The following CSMD1 variants were observed in gnomAD, a reference collection of about 807,000 sequenced individuals.
CSMD1 encodes the protein CUB and Sushi multiple domains 1.
CSMD1 carries 213 observed loss-of-function variants against 417.5 expected under a neutral mutation model. That is an observed-to-expected ratio of 0.51 (90% CI 0.46 to 0.57). CSMD1 has a LOEUF of 0.57. Ranked by LOEUF, CSMD1 falls within the 20% of genes least tolerant of loss-of-function variation. The probability of loss-of-function intolerance (pLI) is 0.00; values close to 1 mark genes in which losing one functional copy is unlikely to be tolerated. For synonymous variants in CSMD1, 2,862 were observed against 1,736.8 expected (o/e 1.65, Z -16.11); for missense variants, 6,923 against 4,529.7 (o/e 1.53, Z -15.17).
At chr8:4,524,798 C>A (rs367809835) in intron 2 of CSMD1, among the ~76,000 whole-genome samples, 2 of 152,080 alleles carry the variant, frequency 1.3e-5, no homozygotes, top group African/African-American at 4.8e-5. Context: ...CAGTAAATTA[C>A]GGTGAGTCAA....
chr8:4,140,839 C>T (rs1052811092), intron 3 of CSMD1, among the ~76,000 whole-genome samples: 1 of 150,924 alleles, frequency 6.6e-6, no homozygotes, highest in African/African-American at 2.5e-5. Context: ...CTCCAGGTTT[C>T]AAATCAAATC....
chr8:4,801,299 A>G (rs1798269025), intron 1 of CSMD1, among the ~76,000 whole-genome samples: 2 of 152,168 alleles, frequency 1.3e-5, no homozygotes, highest in Admixed American at 1.3e-4. Context: ...AATATGAAGT[A>G]TCACAGACAA....
At chr8:4,223,150 C>T (rs754504701) in intron 3 of CSMD1, among the ~76,000 whole-genome samples, 21 of 151,752 alleles carry the variant, frequency 1.4e-4, no homozygotes, top group Non-Finnish European at 2.6e-4. Context: ...GAAAGGAGGG[C>T]AACGCCACCC....
chr8:4,393,056 C>G (rs187423370), intron 3 of CSMD1, among the ~76,000 whole-genome samples: 112 of 152,240 alleles, frequency 7.4e-4, no homozygotes, highest in East Asian at 7.8e-4. Flanking sequence ...GCTCACTGTA[C>G]CCTCCGCCTC....
intron 12 of CSMD1, among the ~76,000 whole-genome samples, chr8:3,450,518 G>C (rs1237182568): frequency 4.7e-5 from 7 of 148,580 alleles, no homozygotes; most frequent in African/African-American, 1.8e-4. Context: ...GTGTCCATGT[G>C]TTCTCATTGT....
chr8:4,027,280 G>A (rs980495742), intron 4 of CSMD1, among the ~76,000 whole-genome samples: 1 of 152,194 alleles, frequency 6.6e-6, no homozygotes, highest in African/African-American at 2.4e-5. Flanking sequence ...GAAGATGGAT[G>A]TTAGGAGAGA....
chr8:4,017,897 T>C (rs1796599839), intron 4 of CSMD1, among the ~76,000 whole-genome samples: 1 of 152,182 alleles, frequency 6.6e-6, no homozygotes, highest in Non-Finnish European at 1.5e-5. Context: ...CTTAGGCTAA[T>C]CATCACGGTA....
At chr8:3,271,217 T>G (rs1045287536) in intron 26 of CSMD1, among the ~76,000 whole-genome samples, 4 of 151,996 alleles carry the variant, frequency 2.6e-5, no homozygotes, top group Admixed American at 6.6e-5. Flanking sequence ...CTGAGAATGA[T>G]GATTTCCAAT....
intron 5 of CSMD1, among the ~76,000 whole-genome samples, chr8:3,902,131 G>A (rs778283934): frequency 6.6e-6 from 1 of 152,098 alleles, no homozygotes; most frequent in Non-Finnish European, 1.5e-5. Context: ...TATGACAGAA[G>A]TAACACAACA....
intron 10 of CSMD1, among the ~76,000 whole-genome samples, chr8:3,500,399 G>C (rs1333816942): frequency 1.3e-5 from 2 of 152,242 alleles, no homozygotes; most frequent in African/African-American, 2.4e-5. Flanking sequence ...AAACAGTATG[G>C]AGCTTGGGAG....
intron 5 of CSMD1, among the ~76,000 whole-genome samples, chr8:3,860,890 G>A (rs374394755): frequency 3.3e-5 from 5 of 152,274 alleles, no homozygotes; most frequent in South Asian, 2.1e-4. Context: ...GTTCAGGTTA[G>A]CACTAGAAAT....
chr8:3,803,563 G>A (rs1415720491), intron 5 of CSMD1, among the ~76,000 whole-genome samples: 1 of 152,204 alleles, frequency 6.6e-6, no homozygotes, highest in African/African-American at 2.4e-5. Flanking sequence ...CCACAGGTGG[G>A]AAAGGCTCAG....
chr8:3,028,322 C>T (rs28400325), intron 51 of CSMD1, among the ~76,000 whole-genome samples: 3,495 of 152,082 alleles, frequency 0.023, 140 homozygotes, highest in African/African-American at 0.081. Context: ...GCAAGAATGT[C>T]GGGAAGGGGG....
At chr8:3,028,307 G>A (rs577202674) in intron 51 of CSMD1, among the ~76,000 whole-genome samples, 7 of 152,204 alleles carry the variant, frequency 4.6e-5, no homozygotes, top group South Asian at 2.1e-4. Flanking sequence ...ATCTGTGCAC[G>A]ACTGGCAAGA....
At chr8:4,636,645 G>T (rs566422964) in intron 2 of CSMD1, among the ~76,000 whole-genome samples, 83 of 152,300 alleles carry the variant, frequency 5.4e-4, no homozygotes, top group Non-Finnish European at 9.1e-4. Flanking sequence ...TGACAACTCT[G>T]TTTCACAGAT....
At chr8:3,728,600 G>A (rs1157227034) in intron 6 of CSMD1, among the ~76,000 whole-genome samples, 1 of 152,158 alleles carries the variant, frequency 6.6e-6, no homozygotes, top group East Asian at 1.9e-4. Context: ...ATTAACCAAA[G>A]AAAAAGGGCA....
Position 4,486,807 on chromosome 8 carries a change from G to A in CSMD1, c.303-66742C>T, listed in dbSNP as rs183884281. Among the ~76,000 whole-genome samples the A allele has an allele frequency of 1.6e-4, 24 of 152,264 alleles. No individual in the cohort carries two copies. In the East Asian group the frequency reaches 4.3e-3, roughly 27 times the overall value. Reference sequence around the variant, plus strand: ...TCCTGAAAACTGCCTCTGCTCTGCTGCAAAGGTGCCTGCAAAAGTTCCACT... The same window carrying A: ...TCCTGAAAACTGCCTCTGCTCTGCTACAAAGGTGCCTGCAAAAGTTCCACT... On this transcript the variant is annotated intron_variant, in intron 2 of 69. Coordinates refer to ENST00000635120, the MANE Select transcript of CSMD1 (RefSeq NM_033225.6).
chr8:4,957,058 A>T (rs984587663), intron 1 of CSMD1, among the ~76,000 whole-genome samples: 3 of 152,244 alleles, frequency 2.0e-5, no homozygotes, highest in Non-Finnish European at 4.4e-5. Context: ...AAACACATTA[A>T]TTTGAGACTG....
intron 7 of CSMD1, among the ~76,000 whole-genome samples, chr8:3,642,201 G>T (rs1314961215): frequency 6.6e-6 from 1 of 151,296 alleles, no homozygotes; most frequent in Non-Finnish European, 1.5e-5. Context: ...TATAGAAGAT[G>T]ATGTATATAA....
Sources: allele counts gnomAD v4.1 joint callset (sites outside exome capture counted in the v4.1 genomes callset), GRCh38; gene constraint gnomAD v4.1.1; transcripts MANE v1.5; gene names NCBI Gene and HGNC (gene_info 2026-07-23, HGNC 2026-07-21).